FBRSL1: variants seen among roughly 807,000 people sequenced by gnomAD.
FBRSL1 encodes the protein fibrosin-1-like protein.
Under a neutral mutation model 89.6 loss-of-function variants are expected in FBRSL1, and 51 were observed. That is an observed-to-expected ratio of 0.57 (90% CI 0.45 to 0.72). The LOEUF is 0.72. Ranked by LOEUF, FBRSL1 falls within the 30% of genes least tolerant of loss-of-function variation. The pLI is 0.00. For synonymous variants in FBRSL1, 779 were observed against 681.1 expected (o/e 1.14, Z -2.24); for missense variants, 1,618 against 1,451.8 (o/e 1.11, Z -1.86).
chr12:132,511,955 A>G (rs1057333883), intron 2 of FBRSL1: 60 of 985,312 alleles, frequency 6.1e-5, no homozygotes, highest in Non-Finnish European at 6.6e-5. Context: ...TTATAACAGC[A>G]TCAGCGTTTG....
intron 1 of FBRSL1, 44 bp from the exon 2 acceptor site, chr12:132,508,109 C>T (rs1383557039): frequency 2.9e-6 from 4 of 1,396,100 alleles, no homozygotes; most frequent in South Asian, 1.2e-5. Flanking sequence ...GCCCAAGGCC[C>T]TGGGGTCCCG....
chr12:132,580,089 TTTTAA>T (rs2040640941), intron 15 of FBRSL1, among the ~76,000 whole-genome samples: 1 of 151,796 alleles, frequency 6.6e-6, no homozygotes, highest in African/African-American at 2.4e-5. Context: ...CAGTATTTTA[TTTTAA>T]TTTATTTATT....
chr12:132,509,869 G>A (rs112998888), intron 2 of FBRSL1: 7 of 1,231,528 alleles, frequency 5.7e-6, no homozygotes, highest in African/African-American at 1.6e-5. Flanking sequence ...CCACGCCGAC[G>A]GCCCGCCAGC....
At chr12:132,561,579 G>A (rs986741124) in intron 5 of FBRSL1, among the ~76,000 whole-genome samples, 4 of 151,814 alleles carry the variant, frequency 2.6e-5, no homozygotes, top group Non-Finnish European at 5.9e-5. Context: ...TGCCCACCTG[G>A]GAGGCCTCAG....
chr12:132,568,422 C>T (rs1286057910), intron 6 of FBRSL1, among the ~76,000 whole-genome samples: 1 of 152,250 alleles, frequency 6.6e-6, no homozygotes, highest in Non-Finnish European at 1.5e-5. Context: ...GCAAAGCAGG[C>T]GCAGATGGGG....
At chr12:132,505,295 G>A (rs532777082) in intron 1 of FBRSL1, among the ~76,000 whole-genome samples, 18 of 152,258 alleles carry the variant, frequency 1.2e-4, no homozygotes, top group African/African-American at 3.9e-4. Context: ...GAACCTTCTG[G>A]GCCCTTCCTT....
intron 2 of FBRSL1, among the ~76,000 whole-genome samples, chr12:132,515,727 C>A (rs112811140): frequency 6.6e-6 from 1 of 151,398 alleles, no homozygotes; most frequent in African/African-American, 2.4e-5. Flanking sequence ...TGGTGAAACC[C>A]GTCTCTACTA....
intron 2 of FBRSL1, among the ~76,000 whole-genome samples, chr12:132,517,142 A>ACTGGGC (rs1326076560): frequency 6.6e-6 from 1 of 152,208 alleles, no homozygotes; most frequent in African/African-American, 2.4e-5. Flanking sequence ...TGCCTTAGAC[A>ACTGGGC]CTGGGCCTGG....
chr12:132,550,400 C>T (rs893099135), intron 5 of FBRSL1, among the ~76,000 whole-genome samples: 3 of 152,156 alleles, frequency 2.0e-5, no homozygotes, highest in Non-Finnish European at 2.9e-5. Flanking sequence ...GTCTGAGCGC[C>T]GGCGCACAAA....
chr12:132,574,436 C>T, intron 13 of FBRSL1, 57 bp from the exon 14 acceptor site: 2 of 1,548,112 alleles, frequency 1.3e-6, no homozygotes, highest in Non-Finnish European at 1.7e-6. Flanking sequence ...CAGGAGTCTG[C>T]AGAAAACATG....
intron 4 of FBRSL1, among the ~76,000 whole-genome samples, chr12:132,542,971 C>T (rs138264647): frequency 1.5e-3 from 236 of 152,334 alleles, no homozygotes; most frequent in Admixed American, 2.2e-3. Context: ...AACCCGTAGC[C>T]GCCCAGGGTC....
Position 132,564,609 on chromosome 12 carries a change from C to T in FBRSL1, c.646-2872C>T, listed in dbSNP as rs564703563. Among the ~76,000 whole-genome samples the T allele has an allele frequency of 6.4e-3, 838 of 130,120 alleles. 16 individuals are homozygous for T. Among genetic ancestry groups the T allele is most frequent in the African/African-American group, 0.024 (801 of 33,370 alleles). 85.4% of individuals were successfully genotyped at this position (130,120 alleles called of 152,430 possible). ...CTCCCGGGTTCACGCCATTCTCCTG[C>T]CTCAGCCTCCCGAGTAGCTGGGACT... On this transcript the variant is annotated intron_variant, in intron 5 of 18. Coordinates refer to ENST00000680143, the MANE Select transcript of FBRSL1 (RefSeq NM_001367871.1).
intron 2 of FBRSL1, among the ~76,000 whole-genome samples, chr12:132,520,593 C>A (rs2035267992): frequency 6.6e-6 from 1 of 152,214 alleles, no homozygotes; most frequent in South Asian, 2.1e-4. Context: ...TCCTCCCGAC[C>A]AGGGACATGA....
chr12:132,564,502 GT>G (rs1416555184), intron 5 of FBRSL1, among the ~76,000 whole-genome samples: 22 of 95,306 alleles, frequency 2.3e-4, no homozygotes, highest in African/African-American at 4.2e-4. Context: ...GCCCTCCAAG[GT>G]TTTTTTTTTT....
intron 14 of FBRSL1, among the ~76,000 whole-genome samples, chr12:132,575,267 G>T (rs1030442398): frequency 5.9e-5 from 9 of 152,126 alleles, no homozygotes; most frequent in Admixed American, 4.6e-4. Context: ...TCGCTCTGTC[G>T]CCCAGGCTGG....
At chr12:132,529,489 C>T (rs1465998295) in intron 4 of FBRSL1, among the ~76,000 whole-genome samples, 5 of 152,164 alleles carry the variant, frequency 3.3e-5, no homozygotes, top group Admixed American at 1.3e-4. Flanking sequence ...CCTGAGGCTG[C>T]CCTTTCACCT....
intron 2 of FBRSL1, among the ~76,000 whole-genome samples, chr12:132,519,475 A>G (rs2035156565): frequency 6.6e-6 from 1 of 152,128 alleles, no homozygotes; most frequent in Admixed American, 6.6e-5. Context: ...CTGACTCCCC[A>G]CTCCCAACTC....
intron 9 of FBRSL1, 37 bp from the exon 10 acceptor site, chr12:132,572,251 G>A: frequency 1.3e-6 from 2 of 1,543,400 alleles, no homozygotes; most frequent in East Asian, 2.4e-5. Context: ...ACGGTGTCGT[G>A]TGTGCGGGGC....
chr12:132,527,798 G>A (rs1312314502), intron 3 of FBRSL1, among the ~76,000 whole-genome samples, 155 bp from the exon 4 acceptor site: 1 of 151,008 alleles, frequency 6.6e-6, no homozygotes, highest in East Asian at 2.0e-4. Flanking sequence ...CAGGGTTGAG[G>A]GCTTCGGGTC....
Sources: gnomAD v4.1 joint callset for allele counts (sites outside exome capture counted in the v4.1 genomes callset) on GRCh38, gnomAD v4.1.1 for gene constraint, MANE v1.5 for transcripts, NCBI Gene and HGNC (gene_info 2026-07-23, HGNC 2026-07-21) for gene names.